ACO2: variants seen among roughly 807,000 people sequenced by gnomAD.
ACO2 encodes aconitate hydratase, mitochondrial.
A neutral mutation model predicts 84.5 loss-of-function variants in ACO2; 31 were observed. The ratio of observed to expected loss-of-function variants is 0.37; its 90% CI spans 0.28 to 0.50. ACO2 has a LOEUF of 0.50. Among genes scored for constraint, ACO2 ranks in the 20% least tolerant of loss-of-function variants. The pLI is 0.97. For missense variants in ACO2, 685 were observed against 1,029.3 expected (o/e 0.67, Z 4.58); for synonymous variants, 414 against 412.7 (o/e 1.00, Z -0.04).
At chr22:41,493,571 G>A (rs1287774697) in intron 1 of ACO2, among the ~76,000 whole-genome samples, 1 of 152,182 alleles carries the variant, frequency 6.6e-6, no homozygotes, top group Non-Finnish European at 1.5e-5. Context: ...AGACTAGTGA[G>A]AATGAGTGTT....
chr22:41,470,359 T>G (rs753449226), intron 1 of ACO2, among the ~76,000 whole-genome samples: 4 of 152,206 alleles, frequency 2.6e-5, no homozygotes, highest in Non-Finnish European at 4.4e-5. Context: ...GTACTTGAAC[T>G]TATTTTTCAT....
At chr22:41,527,509 T>C in intron 16 of ACO2, 89 bp downstream of exon 16, 1 of 1,516,574 alleles carries the variant, frequency 6.6e-7, no homozygotes, top group Non-Finnish European at 8.8e-7. Flanking sequence ...TGGGCCTGGT[T>C]CTAGGCTGTG....
In ACO2 at chr22:41,508,961, C is replaced by T. The variant is rs146354519; in HGVS notation, c.432+912C>T. On this transcript the variant is annotated intron_variant, in intron 3 of 17. Transcript: ENST00000216254. ...CCAGCCCCATGGGAAACACTCGGGG[C>T]GGCGCTCTCACTCAGACCCTCTCTT... Among the ~76,000 whole-genome samples the T allele has an allele frequency of 3.0e-3, 456 of 152,266 alleles. 1 individual carries two copies. The highest frequency in any genetic ancestry group is 5.4e-3 in the Non-Finnish European group (364 of 67,996).
rs1031037691 is a variant in ACO2, at chr22:41,515,262, A to C, written c.526-115A>C. 5 of 1,268,390 alleles carry C rather than the reference A, an allele frequency of 3.9e-6. No individual in the cohort carries two copies. Among genetic ancestry groups the C allele is most frequent in the Non-Finnish European group, 5.7e-6 (5 of 878,032 alleles). 78.6% of individuals were successfully genotyped at this position (1,268,390 alleles called of 1,614,324 possible). On this transcript the variant is annotated intron_variant, in intron 4 of 17. Coordinates refer to ENST00000216254, the MANE Select transcript of ACO2 (RefSeq NM_001098.3). This position sits in a 1 kb window ranked among gnomAD's most constrained non-coding sequence, Gnocchi z 5.8. ...TGGATTAAATGGGGCTGCTCCTACC[A>C]GTTCCATCCTGGGAGAGTGGCTGGA...
chr22:41,486,754 G>C (rs1410366011), intron 1 of ACO2, among the ~76,000 whole-genome samples: 1 of 152,098 alleles, frequency 6.6e-6, no homozygotes, highest in East Asian at 1.9e-4. Context: ...ACAGGCGTGA[G>C]CCATTGCTCC....
chr22:41,523,868 C>T lies in ACO2; in HGVS notation c.1409C>T (p.Thr470Ile). ...IKKGEKNTIV[T>I]SYNRNFTGRN... ...AAGGGGGAGAAGAACACAATCGTCACCTCCTACAACAGGAACTTCACGGGC... is the reference window on the plus strand; with the variant it reads ...AAGGGGGAGAAGAACACAATCGTCATCTCCTACAACAGGAACTTCACGGGC... Residue 470 changes from threonine (T) to isoleucine (I), a missense_variant, in exon 12 of 18, where the codon ACC becomes ATC. By Grantham distance (89) the Thr-to-Ile change is moderately conservative (BLOSUM62 -1). Around this residue, in one of 5 missense-constraint regions of ACO2, gnomAD observed 311 missense variants for 441.6 expected, o/e 0.70. Transcript: ENST00000216254. 6.2e-7 allele frequency: 1 copy of T among 1,612,322 alleles called. No homozygotes were observed. The highest frequency in any genetic ancestry group is 8.5e-7 in the Non-Finnish European group (1 of 1,180,012).
intron 1 of ACO2, among the ~76,000 whole-genome samples, chr22:41,472,108 A>C (rs148775868): frequency 9.4e-4 from 143 of 152,288 alleles, no homozygotes; most frequent in African/African-American, 3.3e-3. Flanking sequence ...TAATCCCAGC[A>C]CTTTGGGAGG....
Position 41,528,804 on chromosome 22 carries a change from G to A in ACO2, c.*191G>A, listed in dbSNP as rs777022158. ...TTCTTAAAATAACTTTTTAGCCCCC[G>A]TCTTCCTATTTTGAGTTTGGTTCAG... On this transcript the variant is annotated 3_prime_UTR_variant, in exon 18 of 18. Coordinates refer to ENST00000216254, the MANE Select transcript of ACO2 (RefSeq NM_001098.3). The A allele has an allele frequency of 2.8e-5, 21 of 739,940 alleles. No individual in the cohort carries two copies. The highest frequency in any genetic ancestry group is 3.9e-4 in the Middle Eastern group (1 of 2,548). 45.8% of individuals were successfully genotyped at this position (739,940 alleles called of 1,614,324 possible). A position where few individuals can be genotyped will look rare whatever the true frequency, so the allele number is the denominator to read the frequency against.
At chr22:41,473,994 A>G (rs1316416399) in intron 1 of ACO2, among the ~76,000 whole-genome samples, 1 of 152,058 alleles carries the variant, frequency 6.6e-6, no homozygotes, top group East Asian at 1.9e-4. Context: ...CCAGGGAGTG[A>G]TGTGATCTGA....
intron 14 of ACO2, chr22:41,525,784 G>A (rs916670244): frequency 5.2e-5 from 11 of 209,946 alleles, no homozygotes; most frequent in Admixed American, 4.7e-4. Flanking sequence ...GTTTGGCACC[G>A]ACCAAAAACA....
intron 2 of ACO2, among the ~76,000 whole-genome samples, chr22:41,506,591 G>T (rs2066395230): frequency 6.6e-6 from 1 of 152,072 alleles, no homozygotes; most frequent in Non-Finnish European, 1.5e-5. Context: ...TCACTCTGTT[G>T]TCCAGGCTGA....
Position 41,528,604 on chromosome 22 carries a change from G to GC in ACO2, c.2335dup (p.Gln779ProfsTer65). On this transcript the variant is annotated frameshift_variant, in exon 18 of 18. Transcript: ENST00000216254. LOFTEE classifies it high-confidence loss of function. ...GTGCCCTCAACAGAATGAAGGAACT[G>GC]CAACAGTGAGGGCAGTGCCTCCCCG... 1 of 1,609,420 alleles carries GC rather than the reference G, an allele frequency of 6.2e-7. No homozygotes were observed. The highest frequency in any genetic ancestry group is 8.5e-7 in the Non-Finnish European group (1 of 1,179,380).
At position 41,515,776 on chromosome 22, in the gene ACO2, G is replaced by A. The variant is rs1301732484; in HGVS notation, c.694G>A (p.Val232Met). ...GCCCCCTCCTGTCCAGGTGATTGGCGTGAAGCTGACGGGCTCTCTCTCCGG... is the reference window on the plus strand; with the variant it reads ...GCCCCCTCCTGTCCAGGTGATTGGCATGAAGCTGACGGGCTCTCTCTCCGG... ...WELKCPKVIG[V>M]KLTGSLSGWS... The change falls in exon 6 of 18, where the codon GTG becomes ATG. Residue 232 changes from valine (V) to methionine (M), a missense_variant. This residue lies in a region of ACO2 where 92 missense variants were observed against 203.7 expected (regional missense o/e 0.45). Coordinates refer to ENST00000216254, the MANE Select transcript of ACO2 (RefSeq NM_001098.3). The surrounding 1 kb of genome is among the most constrained non-coding windows in gnomAD (Gnocchi z 5.8). 3.1e-6 allele frequency: 5 copies of A among 1,613,520 alleles called. No homozygotes were observed. Among genetic ancestry groups the A allele is most frequent in the East Asian group, 2.2e-5 (1 of 44,884 alleles).
chr22:41,477,895 T>C (rs1190047972), intron 1 of ACO2, among the ~76,000 whole-genome samples: 1 of 151,824 alleles, frequency 6.6e-6, no homozygotes, highest in East Asian at 2.0e-4. Flanking sequence ...TGAAACCCCG[T>C]CTCTACTAAA....
In ACO2 at chr22:41,526,434, A is replaced by C; in HGVS notation, c.1934A>C (p.Asp645Ala). Residue 645 changes from aspartate (D) to alanine (A), a missense_variant, in exon 15 of 18, where the codon GAC becomes GCC. Transcript: ENST00000216254. ...AVTQEFGPVP[D>A]TARYYKKHGI... Reference sequence around the variant, plus strand: ...ACTCAGGAGTTTGGCCCCGTCCCTGACACTGCCCGCTACTACAAGGTGGGT... The same window carrying C: ...ACTCAGGAGTTTGGCCCCGTCCCTGCCACTGCCCGCTACTACAAGGTGGGT... 1 of 1,613,228 alleles carries C rather than the reference A, an allele frequency of 6.2e-7. No homozygotes were observed. The highest frequency in any genetic ancestry group is 8.5e-7 in the Non-Finnish European group (1 of 1,179,546).
intron 7 of ACO2, among the ~76,000 whole-genome samples, chr22:41,518,024 C>T (rs566947629): frequency 1.3e-5 from 2 of 152,310 alleles, no homozygotes; most frequent in South Asian, 4.1e-4. Context: ...AACCACTTTC[C>T]CAGCCTCCCC....
At position 41,499,628 on chromosome 22, in the gene ACO2, C is replaced by A. The variant is rs180874542; in HGVS notation, c.37-98C>A. 8 of 1,377,922 alleles carry A rather than the reference C, an allele frequency of 5.8e-6. No individual in the cohort carries two copies. The African/African-American group carries it at 1.2e-4, about 20-fold the overall frequency. 85.4% of individuals were successfully genotyped at this position (1,377,922 alleles called of 1,614,324 possible). A position where few individuals can be genotyped will look rare whatever the true frequency, so the allele number is the denominator to read the frequency against. On this transcript the variant is annotated intron_variant, in intron 1 of 17. Transcript: ENST00000216254. ...TGCAGTTACTGAACAGCTCTTGACA[C>A]TTTAATTCCTGGATTTTTTTCACCA... is the stretch of plus-strand genomic sequence containing the variant.
intron 1 of ACO2, among the ~76,000 whole-genome samples, chr22:41,477,805 G>A (rs1006609331): frequency 2.6e-5 from 4 of 151,944 alleles, no homozygotes; most frequent in East Asian, 2.0e-4. Flanking sequence ...AGTGGCTCAC[G>A]CCTGTAATCC....
chr22:41,518,672 A>G (rs2066495218), intron 8 of ACO2, 100 bp downstream of exon 8: 2 of 935,218 alleles, frequency 2.1e-6, no homozygotes, highest in Non-Finnish European at 1.7e-6. Context: ...GGTGGCTCAC[A>G]GCTGTAATCC....
Sources: allele counts gnomAD v4.1 joint callset (sites outside exome capture counted in the v4.1 genomes callset), GRCh38; gene constraint gnomAD v4.1.1; regional missense constraint gnomAD v4.1.1; non-coding constraint Gnocchi (gnomAD v3.1); transcripts MANE v1.5; gene names NCBI Gene and HGNC (gene_info 2026-07-23, HGNC 2026-07-21).